The following DLGAP2 variants were observed in gnomAD, a reference collection of about 807,000 sequenced individuals.
DLGAP2 encodes disks large-associated protein 2.
A neutral mutation model predicts 100.3 loss-of-function variants in DLGAP2; 26 were observed. The ratio of observed to expected loss-of-function variants is 0.26; its 90% CI spans 0.19 to 0.36. The LOEUF (loss-of-function observed/expected upper bound fraction) is 0.36, where lower values mean the gene tolerates loss of function less well. Among genes scored for constraint, DLGAP2 ranks in the 10% least tolerant of loss-of-function variants. The pLI is 1.00. For synonymous variants in DLGAP2, 886 were observed against 630.1 expected (o/e 1.41, Z -6.08); for missense variants, 1,858 against 1,453.2 (o/e 1.28, Z -4.53).
intron 3 of DLGAP2, among the ~76,000 whole-genome samples, chr8:1,410,310 G>A (rs1796691314): frequency 6.6e-6 from 1 of 152,180 alleles, no homozygotes; most frequent in Non-Finnish European, 1.5e-5. Flanking sequence ...ACATTCACGG[G>A]CATGGCTTCA....
intron 6 of DLGAP2, among the ~76,000 whole-genome samples, chr8:1,581,349 A>C (rs1278180235): frequency 1.3e-5 from 2 of 151,032 alleles, no homozygotes; most frequent in African/African-American, 2.4e-5. Context: ...TACAGACAAA[A>C]CTCCACACAT....
chr8:1,104,620 TG>T (rs2129044393), intron 2 of DLGAP2, among the ~76,000 whole-genome samples: 1 of 152,308 alleles, frequency 6.6e-6, no homozygotes, highest in South Asian at 2.1e-4. Context: ...ATTTAATCCT[TG>T]GGCTGCTCCA....
intron 1 of DLGAP2, among the ~76,000 whole-genome samples, chr8:759,698 G>T (rs898049726): frequency 6.6e-6 from 1 of 152,190 alleles, no homozygotes; most frequent in African/African-American, 2.4e-5. Context: ...CCTGCGACTG[G>T]TTCCTGTGTG....
chr8:1,196,058 A>G (rs1383042874), intron 2 of DLGAP2, among the ~76,000 whole-genome samples: 2 of 152,250 alleles, frequency 1.3e-5, no homozygotes, highest in Non-Finnish European at 2.9e-5. Flanking sequence ...AATGAAACTG[A>G]GGCCACAACC....
Position 1,203,515 on chromosome 8 carries a change from C to T in DLGAP2, c.74-55336C>T, listed in dbSNP as rs1446663412. On this transcript the variant is annotated intron_variant, in intron 2 of 14. Transcript: ENST00000637795. ...TTTTGCGTGTCCTGAGTAGGGATACCCTTCTCAGCGATCTCTGTGGAACAG... is the reference window on the plus strand; with the variant it reads ...TTTTGCGTGTCCTGAGTAGGGATACTCTTCTCAGCGATCTCTGTGGAACAG... Among the ~76,000 whole-genome samples, 4 of 152,120 alleles carry T rather than the reference C, an allele frequency of 2.6e-5. 1 individual carries two copies. In the South Asian group the frequency reaches 6.2e-4, roughly 24 times the overall value.
At chr8:783,013 C>A (rs1821740660) in intron 1 of DLGAP2, among the ~76,000 whole-genome samples, 1 of 152,202 alleles carries the variant, frequency 6.6e-6, no homozygotes, top group South Asian at 2.1e-4. Flanking sequence ...TAACCAGTGA[C>A]CGCATGACCG....
intron 1 of DLGAP2, among the ~76,000 whole-genome samples, chr8:858,096 A>G (rs74662092): frequency 0.11 from 16,947 of 152,078 alleles, 1,408 homozygotes; most frequent in Admixed American, 0.27. Flanking sequence ...ACCTCAGATG[A>G]TCCACCCGCC....
At chr8:1,009,499 A>G (rs1801214909) in intron 2 of DLGAP2, among the ~76,000 whole-genome samples, 2 of 152,224 alleles carry the variant, frequency 1.3e-5, no homozygotes, top group Non-Finnish European at 1.5e-5. Flanking sequence ...TGACTGAATG[A>G]TGAAGTGAAA....
chr8:1,383,830 G>A (rs1378691980), intron 3 of DLGAP2, among the ~76,000 whole-genome samples: 1 of 152,236 alleles, frequency 6.6e-6, no homozygotes, highest in East Asian at 1.9e-4. Context: ...GCACTTTCCA[G>A]CAGAGTAAAC....
At chr8:1,657,904 C>G (rs762488310) in intron 8 of DLGAP2, among the ~76,000 whole-genome samples, 1 of 152,100 alleles carries the variant, frequency 6.6e-6, no homozygotes, top group Non-Finnish European at 1.5e-5. Context: ...GACATGGACA[C>G]ATGGTTTTAG....
At chr8:1,109,160 G>A (rs1347102972) in intron 2 of DLGAP2, among the ~76,000 whole-genome samples, 2 of 83,820 alleles carry the variant, frequency 2.4e-5, no homozygotes, top group African/African-American at 4.7e-5. Context: ...AGGTGTGCAC[G>A]GGTCTGTGAG....
In DLGAP2 at chr8:779,343, A is replaced by G. The variant is rs192025492; in HGVS notation, c.18+41518A>G. ...GGAGCTGTAGACTGGAGCTGTTCCT[A>G]TTCGGCCATCTTGGCTCCTCCCCTG... is the stretch of plus-strand genomic sequence containing the variant. On this transcript the variant is annotated intron_variant, in intron 1 of 14. Coordinates refer to ENST00000637795, the MANE Select transcript of DLGAP2 (RefSeq NM_001346810.2). 1.7e-3 allele frequency among the ~76,000 whole-genome samples: 258 copies of G among 152,116 alleles called. 3 individuals are homozygous for G. Among genetic ancestry groups the G allele is most frequent in the Admixed American group, 0.012 (181 of 15,274 alleles).
chr8:944,991 A>C (rs184137438), intron 2 of DLGAP2, among the ~76,000 whole-genome samples: 1 of 152,284 alleles, frequency 6.6e-6, no homozygotes, highest in African/African-American at 2.4e-5. Context: ...ATAGTTGGTC[A>C]CTTCTGGGTG....
chr8:1,307,422 G>T (rs1232371624), intron 3 of DLGAP2, among the ~76,000 whole-genome samples: 2 of 152,180 alleles, frequency 1.3e-5, no homozygotes, highest in African/African-American at 4.8e-5. Context: ...TTTTTGGTGA[G>T]AATATAGAAA....
intron 2 of DLGAP2, among the ~76,000 whole-genome samples, chr8:994,666 C>G (rs1584955737): frequency 1.3e-5 from 2 of 152,300 alleles, no homozygotes; most frequent in South Asian, 4.1e-4. Flanking sequence ...CATTTACACA[C>G]AGGGGCTGGA....
intron 4 of DLGAP2, among the ~76,000 whole-genome samples, chr8:1,532,034 T>G (rs1440987724): frequency 6.6e-6 from 1 of 152,154 alleles, no homozygotes; most frequent in Non-Finnish European, 1.5e-5. Flanking sequence ...TTCCAGGTCA[T>G]AGGAAGGTGA....
intron 2 of DLGAP2, among the ~76,000 whole-genome samples, chr8:1,173,845 A>G (rs966672637): frequency 1.1e-4 from 17 of 152,204 alleles, no homozygotes; most frequent in African/African-American, 3.4e-4. Flanking sequence ...GAGTGAGGCA[A>G]TGCGTCGCCC....
intron 2 of DLGAP2, among the ~76,000 whole-genome samples, chr8:1,005,099 G>A (rs1455156566): frequency 5.3e-5 from 8 of 152,170 alleles, no homozygotes; most frequent in African/African-American, 9.6e-5. Context: ...TGGATGGATC[G>A]TTATTTCCAA....
At chr8:1,200,338 C>T (rs374779415) in intron 2 of DLGAP2, among the ~76,000 whole-genome samples, 65 of 152,286 alleles carry the variant, frequency 4.3e-4, no homozygotes, top group East Asian at 1.9e-3. Context: ...GTCCCGTGGC[C>T]CCGGCTCCTA....
Sources: gnomAD v4.1 joint callset for allele counts (sites outside exome capture counted in the v4.1 genomes callset) on GRCh38, gnomAD v4.1.1 for gene constraint, MANE v1.5 for transcripts, NCBI Gene and HGNC (gene_info 2026-07-23, HGNC 2026-07-21) for gene names.